The following MAML2 variants were observed in gnomAD, a reference collection of about 807,000 sequenced individuals.
MAML2 encodes mastermind like transcriptional coactivator 2, also known as mastermind-like protein 2.
MAML2 carries 22 observed loss-of-function variants against 96.1 expected under a neutral mutation model. The observed-to-expected ratio is 0.23, with a 90% confidence interval of 0.16 to 0.33. The LOEUF (loss-of-function observed/expected upper bound fraction) is 0.33. MAML2 is among the 10% of genes least tolerant of loss of function. MAML2 has a pLI of 1.00. For missense variants in MAML2, 1,367 were observed against 1,392.4 expected, an observed-to-expected ratio of 0.98 and a Z score of 0.29; for synonymous variants, 561 against 521.3, an observed-to-expected ratio of 1.08 and a Z score of -1.04.
intron 1 of MAML2, among the ~76,000 whole-genome samples, chr11:96,128,131 C>T (rs973411469): frequency 5.3e-5 from 8 of 152,112 alleles, no homozygotes; most frequent in Non-Finnish European, 8.8e-5. Flanking sequence ...CAGTGGCTCA[C>T]GTCTGTAATC....
At chr11:96,240,332 C>T (rs1026413301) in intron 1 of MAML2, among the ~76,000 whole-genome samples, 1 of 151,750 alleles carries the variant, frequency 6.6e-6, no homozygotes, top group Non-Finnish European at 1.5e-5. Context: ...GGGTGGATCA[C>T]GAGGTCAGGA....
chr11:96,139,381 G>A (rs941927763), intron 1 of MAML2, among the ~76,000 whole-genome samples: 1 of 151,972 alleles, frequency 6.6e-6, no homozygotes, highest in African/African-American at 2.4e-5. Context: ...GGAGGCTGAG[G>A]CAGGAGAATG....
chr11:96,211,527 C>A lies in MAML2; in HGVS notation c.514-118010G>T, dbSNP rs139596926. Among the ~76,000 whole-genome samples, 571 of 150,998 alleles carry A rather than the reference C, an allele frequency of 3.8e-3. 16 individuals are homozygous for A. Among genetic ancestry groups the A allele is most frequent in the East Asian group, 0.025 (131 of 5,144 alleles). The stretch of plus-strand genomic sequence containing the variant: ...GGGTGAGACAGATGTAAAAAGATAT[C>A]ATAATATAAAAATAAGAATGAAATA... On this transcript the variant is annotated intron_variant, in intron 1 of 4. Transcript: ENST00000524717.
At chr11:96,296,093 G>A (rs376322747) in intron 1 of MAML2, among the ~76,000 whole-genome samples, 1 of 151,836 alleles carries the variant, frequency 6.6e-6, no homozygotes, top group African/African-American at 2.4e-5. Flanking sequence ...TTAGAGATGA[G>A]GCCTTGCTAC....
At chr11:96,273,969 T>C (rs1478943792) in intron 1 of MAML2, among the ~76,000 whole-genome samples, 3 of 152,152 alleles carry the variant, frequency 2.0e-5, no homozygotes, top group African/African-American at 7.2e-5. Context: ...CCATTCATTA[T>C]AAGATAGTAT....
chr11:96,127,007 A>C (rs1338471844), intron 1 of MAML2, among the ~76,000 whole-genome samples: 1 of 152,200 alleles, frequency 6.6e-6, no homozygotes, highest in South Asian at 2.1e-4. Context: ...ACACAGTCTC[A>C]TCACTTGTTG....
chr11:96,335,226 C>T (rs941056589), intron 1 of MAML2, among the ~76,000 whole-genome samples: 10 of 152,178 alleles, frequency 6.6e-5, no homozygotes, highest in African/African-American at 2.2e-4. Flanking sequence ...GAAATAAGTA[C>T]ATCTCAAAGA....
intron 1 of MAML2, among the ~76,000 whole-genome samples, chr11:96,288,542 CAAAA>C (rs60166307): frequency 1.2e-5 from 1 of 83,972 alleles, no homozygotes. Context: ...GACTCTGTCT[CAAAA>C]AAAAAAAAAA....
At chr11:96,013,716 G>A (rs937906391) in intron 2 of MAML2, among the ~76,000 whole-genome samples, 8 of 152,318 alleles carry the variant, frequency 5.3e-5, no homozygotes, top group African/African-American at 9.6e-5. Context: ...GGACACTGGC[G>A]GGACGAGGTG....
At chr11:96,169,071 G>A (rs1861239840) in intron 1 of MAML2, among the ~76,000 whole-genome samples, 1 of 152,136 alleles carries the variant, frequency 6.6e-6, no homozygotes, top group Non-Finnish European at 1.5e-5. Context: ...TTCTACGATG[G>A]GTGGGTTAAG....
chr11:96,151,488 C>T (rs1860920701), intron 1 of MAML2, among the ~76,000 whole-genome samples: 1 of 152,182 alleles, frequency 6.6e-6, no homozygotes, highest in Non-Finnish European at 1.5e-5. Flanking sequence ...GTGTTCCCAC[C>T]CAAATCTCAT....
intron 1 of MAML2, among the ~76,000 whole-genome samples, chr11:96,275,559 A>G (rs530321617): frequency 2.6e-5 from 4 of 152,204 alleles, no homozygotes; most frequent in Non-Finnish European, 4.4e-5. Context: ...ATGAGCCACC[A>G]CACCCGGCCA....
chr11:96,140,651 G>A (rs1383533328), intron 1 of MAML2, among the ~76,000 whole-genome samples: 1 of 152,168 alleles, frequency 6.6e-6, no homozygotes, highest in Non-Finnish European at 1.5e-5. Context: ...GTTGCCCCTA[G>A]ACGTCACTCT....
intron 2 of MAML2, among the ~76,000 whole-genome samples, chr11:96,084,464 C>A (rs1859575845): frequency 6.6e-6 from 1 of 152,162 alleles, no homozygotes; most frequent in Non-Finnish European, 1.5e-5. Context: ...CATGTCCATC[C>A]AGAGACTGGG....
chr11:96,338,026 A>G (rs1170727193), intron 1 of MAML2, among the ~76,000 whole-genome samples: 1 of 152,216 alleles, frequency 6.6e-6, no homozygotes, highest in Non-Finnish European at 1.5e-5. Flanking sequence ...ACATTAGAGA[A>G]AAGATAATCT....
chr11:96,064,762 G>A (rs185305606), intron 2 of MAML2, among the ~76,000 whole-genome samples: 437 of 152,290 alleles, frequency 2.9e-3, no homozygotes, highest in Non-Finnish European at 4.5e-3. Context: ...TAGCGTGTGA[G>A]GGTGAAAGGA....
Position 96,110,197 on chromosome 11 carries a change from G to C in MAML2, c.514-16680C>G, listed in dbSNP as rs146096153. Among the ~76,000 whole-genome samples the C allele has an allele frequency of 7.6e-4, 116 of 152,236 alleles. 3 individuals carry two copies. The highest frequency in any genetic ancestry group is 6.2e-4 in the South Asian group (3 of 4,824). Reference sequence around the variant, plus strand: ...GAGGAGTGGATGGAAGGTAAAAAAAGGGAAACAAAGTAGGTAGATTCTTCT... The same window carrying C: ...GAGGAGTGGATGGAAGGTAAAAAAACGGAAACAAAGTAGGTAGATTCTTCT... On this transcript the variant is annotated intron_variant, in intron 1 of 4. Transcript: ENST00000524717.
At chr11:96,202,265 G>A (rs1287825510) in intron 1 of MAML2, among the ~76,000 whole-genome samples, 1 of 150,260 alleles carries the variant, frequency 6.7e-6, no homozygotes, top group Non-Finnish European at 1.5e-5. Context: ...GCAGGAGAAT[G>A]GTGTGAACCC....
intron 2 of MAML2, among the ~76,000 whole-genome samples, chr11:96,012,128 G>C (rs985190510): frequency 6.6e-6 from 1 of 152,140 alleles, no homozygotes; most frequent in African/African-American, 2.4e-5. Context: ...CCGTTTTTGA[G>C]CTGCAGTAGC....
Sources: allele counts gnomAD v4.1 joint callset (sites outside exome capture counted in the v4.1 genomes callset), GRCh38; gene constraint gnomAD v4.1.1; transcripts MANE v1.5; gene names NCBI Gene and HGNC (gene_info 2026-07-23, HGNC 2026-07-21).